The following DSTYK variants were observed in gnomAD, a reference collection of about 807,000 sequenced individuals.
DSTYK encodes the protein RIP-homologous kinase.
Under a neutral mutation model 98.7 loss-of-function variants are expected in DSTYK, and 34 were observed. The ratio of observed to expected loss-of-function variants is 0.34; its 90% CI spans 0.26 to 0.46. DSTYK has a LOEUF of 0.46. Among genes scored for constraint, DSTYK ranks in the 20% least tolerant of loss-of-function variants. The probability of loss-of-function intolerance (pLI) is 1.00; values close to 1 mark genes in which losing one functional copy is unlikely to be tolerated. For synonymous variants in DSTYK, 462 were observed against 457.3 expected (o/e 1.01, Z -0.13); for missense variants, 962 against 1,181.7 (o/e 0.81, Z 2.73).
chr1:205,164,962 T>C (rs11811115), intron 3 of DSTYK, among the ~76,000 whole-genome samples: 45,510 of 151,962 alleles, frequency 0.3, 7,242 homozygotes, highest in South Asian at 0.42. Context: ...AATAGTACAG[T>C]TAGGAAGTAA....
intron 6 of DSTYK, 24 bp downstream of exon 6, chr1:205,162,012 G>C (rs375646865): frequency 1.1e-4 from 179 of 1,605,338 alleles, no homozygotes; most frequent in Non-Finnish European, 1.4e-4. Context: ...TGATCCAGCT[G>C]TATCTCCTTT....
In DSTYK at chr1:205,211,371, G is replaced by A. The variant is rs749146065; in HGVS notation, c.165C>T (p.Ile55=). The part of the protein sequence containing the change: ...LRETQKFFRD[I]KCSHNHTCLS... The stretch of plus-strand genomic sequence containing the variant: ...GACAAGTGTGGTTGTGGGAGCACTT[G>A]ATGTCGCGGAAGAACTTCTGGGTCT... Residue 55 remains isoleucine (I), a synonymous_variant, in exon 1 of 13, where the codon ATC becomes ATT. Coordinates refer to ENST00000367162, the MANE Select transcript of DSTYK (RefSeq NM_015375.3). 2.5e-6 allele frequency: 4 copies of A among 1,612,664 alleles called. No individual in the cohort carries two copies. The highest frequency in any genetic ancestry group is 2.5e-6 in the Non-Finnish European group (3 of 1,179,528).
At chr1:205,190,633 A>AC (rs1658684025) in intron 1 of DSTYK, among the ~76,000 whole-genome samples, 1 of 151,014 alleles carries the variant, frequency 6.6e-6, no homozygotes, top group African/African-American at 2.4e-5. Context: ...AAAAAAAAAA[A>AC]AAAACCCAAG....
At chr1:205,209,169 C>T (rs999112916) in intron 1 of DSTYK, among the ~76,000 whole-genome samples, 1 of 152,126 alleles carries the variant, frequency 6.6e-6, no homozygotes, top group African/African-American at 2.4e-5. Context: ...ACCAAAGTGC[C>T]TTGAAAACCT....
chr1:205,190,375 A>G (rs1224166007), intron 1 of DSTYK, among the ~76,000 whole-genome samples: 3 of 152,148 alleles, frequency 2.0e-5, no homozygotes, highest in African/African-American at 7.2e-5. Context: ...CTGTAATCCC[A>G]GCAGTCTGAG....
Position 205,155,685 on chromosome 1 carries a change from A to G in DSTYK, c.2352+1588T>C, listed in dbSNP as rs111860850. Among the ~76,000 whole-genome samples the G allele has an allele frequency of 8.5e-3, 1,290 of 151,526 alleles. 23 individuals carry two copies. Among genetic ancestry groups the G allele is most frequent in the African/African-American group, 0.03 (1,237 of 41,328 alleles). On this transcript the variant is annotated intron_variant, in intron 10 of 12. Coordinates refer to ENST00000367162, the MANE Select transcript of DSTYK (RefSeq NM_015375.3). The stretch of plus-strand genomic sequence containing the variant: ...AAAAATTTTTAAAAAAAAGAAAGGA[A>G]AAAAAAAAGAAAACCTATTTTCTGG...
In DSTYK at chr1:205,145,349, C is replaced by T. The variant is rs1657190870; in HGVS notation, c.*2209G>A. The T allele has an allele frequency of 6.8e-6, 1 of 146,440 alleles. No homozygotes were observed. Among genetic ancestry groups the T allele is most frequent in the Non-Finnish European group, 1.5e-5 (1 of 66,092 alleles). The allele number at this position is 146,440 out of a possible 1,614,324, so 9.1% of individuals were successfully genotyped here. A position where few individuals can be genotyped will look rare whatever the true frequency, so the allele number is the denominator to read the frequency against. On this transcript the variant is annotated 3_prime_UTR_variant, in exon 13 of 13. Transcript: ENST00000367162. Reference sequence around the variant, plus strand: ...TGAAAGGCTCCAAGAGTTTAGGGAGCTACTATGCTCAAACATATCATGATC... The same window carrying T: ...TGAAAGGCTCCAAGAGTTTAGGGAGTTACTATGCTCAAACATATCATGATC...
intron 9 of DSTYK, 64 bp from the exon 10 acceptor site, chr1:205,157,450 T>G: frequency 2.3e-6 from 3 of 1,328,624 alleles, no homozygotes; most frequent in Middle Eastern, 3.6e-4. Flanking sequence ...CTGACTATAC[T>G]AGGGCACATG....
intron 1 of DSTYK, among the ~76,000 whole-genome samples, chr1:205,206,024 C>T (rs1197537809): frequency 1.3e-5 from 2 of 152,154 alleles, no homozygotes; most frequent in African/African-American, 2.4e-5. Flanking sequence ...AAGTTCAGGT[C>T]TTCTTAGACC....
rs142092372 is a variant in DSTYK, at chr1:205,204,441, A to G, written c.265+6830T>C. Among the ~76,000 whole-genome samples the G allele has an allele frequency of 4.4e-4, 61 of 138,644 alleles. 1 individual carries two copies. The East Asian group carries it at 0.011, about 25-fold the overall frequency. 91.0% of individuals were successfully genotyped at this position (138,644 alleles called of 152,430 possible). A position where few individuals can be genotyped will look rare whatever the true frequency, so the allele number is the denominator to read the frequency against. On this transcript the variant is annotated intron_variant, in intron 1 of 12. Transcript: ENST00000367162. ...CGAACCCCATGTTCCAACTTTCTAA[A>G]TCAATGCTCACCATACACACACACA...
chr1:205,168,795 T>C (rs1198113789), intron 3 of DSTYK, among the ~76,000 whole-genome samples: 4 of 152,204 alleles, frequency 2.6e-5, no homozygotes, highest in African/African-American at 9.7e-5. Context: ...TAAAGAGGCA[T>C]GAGCCATACT....
chr1:205,167,917 C>A (rs1021408960), intron 3 of DSTYK, among the ~76,000 whole-genome samples: 1 of 152,128 alleles, frequency 6.6e-6, no homozygotes, highest in Non-Finnish European at 1.5e-5. Context: ...TCCTGGCCAA[C>A]ATGATGAAAC....
Position 205,169,440 on chromosome 1 carries a change from C to G in DSTYK, c.1047G>C (p.Gln349His), listed in dbSNP as rs1395198849. Residue 349 changes from glutamine (Q) to histidine (H), a missense_variant, in exon 3 of 13, where the codon CAG becomes CAC. Physicochemically the swap from Gln to His is conservative, Grantham distance 24. This residue lies in a region of DSTYK where 660 missense variants were observed against 855.0 expected (regional missense o/e 0.77). Transcript: ENST00000367162. This position sits in a 1 kb window ranked among gnomAD's most constrained non-coding sequence, Gnocchi z 4.0. Reference protein sequence around the residue: ...KLRHLSTFSHQVLQTRLVDAA... With the variant: ...KLRHLSTFSHHVLQTRLVDAA... The stretch of plus-strand genomic sequence containing the variant: ...CATCCACCAGGCGAGTCTGTAACAC[C>G]TGGTGAGAAAATGTGCTCAAGTGTC... The G allele has an allele frequency of 6.2e-7, 1 of 1,614,162 alleles. No homozygotes were observed. The highest frequency in any genetic ancestry group is 2.2e-5 in the East Asian group (1 of 44,876).
At chr1:205,202,430 G>A (rs1266610720) in intron 1 of DSTYK, 4 of 749,968 alleles carry the variant, frequency 5.3e-6, no homozygotes, top group Non-Finnish European at 9.8e-6. Flanking sequence ...GCTGGACAAG[G>A]TCAGTGGCCC....
chr1:205,191,298 C>T (rs1298393643), intron 1 of DSTYK, among the ~76,000 whole-genome samples: 6 of 152,160 alleles, frequency 3.9e-5, no homozygotes, highest in African/African-American at 1.4e-4. Flanking sequence ...CAGATTTGAA[C>T]AAGGGCATGG....
At chr1:205,163,652 A>T in intron 4 of DSTYK, 71 bp downstream of exon 4, 1 of 1,248,514 alleles carries the variant, frequency 8.0e-7, no homozygotes, top group South Asian at 1.3e-5. Context: ...GCCTAATTTG[A>T]AGTGTGGACT....
At chr1:205,191,330 G>A (rs1302845518) in intron 1 of DSTYK, among the ~76,000 whole-genome samples, 1 of 152,228 alleles carries the variant, frequency 6.6e-6, no homozygotes, top group Non-Finnish European at 1.5e-5. Context: ...GTTGAAAGCA[G>A]ATGGTTTTAC....
At chr1:205,191,737 A>C (rs1658719592) in intron 1 of DSTYK, among the ~76,000 whole-genome samples, 1 of 152,220 alleles carries the variant, frequency 6.6e-6, no homozygotes, top group Non-Finnish European at 1.5e-5. Flanking sequence ...CAGTCTTAGC[A>C]GTTCTCTAAA....
At position 205,169,256 on chromosome 1, in the gene DSTYK, G is replaced by A; in HGVS notation, c.1231C>T (p.Arg411Ter). Residue 411 changes from arginine to a stop codon, truncating the protein, a stop_gained, in exon 3 of 13, where the codon CGA becomes TGA. Coordinates refer to ENST00000367162, the MANE Select transcript of DSTYK (RefSeq NM_015375.3). LOFTEE classifies it high-confidence loss of function. The surrounding 1 kb of genome is among the most constrained non-coding windows in gnomAD (Gnocchi z 4.0). Reference sequence around the variant, plus strand: ...ATATCCTTCATTTCCTCCTGCTTTCGGTTGGCAATATTCATCAATGATTCA... The same window carrying A: ...ATATCCTTCATTTCCTCCTGCTTTCAGTTGGCAATATTCATCAATGATTCA... Reference protein sequence around the residue: ...LYESLMNIANRKQEEMKDMIV... With the variant: ...LYESLMNIAN The A allele has an allele frequency of 1.2e-6, 2 of 1,613,878 alleles. No individual in the cohort carries two copies. Among genetic ancestry groups the A allele is most frequent in the African/African-American group, 1.3e-5 (1 of 74,944 alleles).
Sources: gnomAD v4.1 joint callset for allele counts (sites outside exome capture counted in the v4.1 genomes callset) on GRCh38, gnomAD v4.1.1 for gene constraint, gnomAD v4.1.1 regional missense constraint, Gnocchi (gnomAD v3.1) non-coding constraint, MANE v1.5 for transcripts, NCBI Gene and HGNC (gene_info 2026-07-23, HGNC 2026-07-21) for gene names.